THBS4: variants seen among roughly 807,000 people sequenced by gnomAD.
THBS4 encodes thrombospondin 4, also known as thrombospondin-4.
Under a neutral mutation model 115.7 loss-of-function variants are expected in THBS4, and 90 were observed. The ratio of observed to expected loss-of-function variants is 0.78; its 90% CI spans 0.66 to 0.93. The LOEUF (loss-of-function observed/expected upper bound fraction) is 0.93. THBS4 is among the 40% of genes least tolerant of loss of function. THBS4 has a pLI of 0.00. For missense variants in THBS4, 1,087 were observed against 1,232.7 expected (o/e 0.88, Z 1.77); for synonymous variants, 460 against 479.3 (o/e 0.96, Z 0.53).
chr5:80,083,022 T>A, intron 21 of THBS4, 58 bp from the exon 22 acceptor site: 1 of 1,510,058 alleles, frequency 6.6e-7, no homozygotes, highest in Non-Finnish European at 9.2e-7. Context: ...CGGGCGGGGG[T>A]CCGGGGTCCG....
chr5:80,072,795 C>A, intron 14 of THBS4: 1 of 248,550 alleles, frequency 4.0e-6, no homozygotes. Context: ...TTGCATCTCC[C>A]TTCTCACTCC....
intron 15 of THBS4, chr5:80,074,235 A>T (rs1373921850): frequency 6.6e-6 from 1 of 152,164 alleles, no homozygotes; most frequent in Non-Finnish European, 1.5e-5. Context: ...GGTCCTTGAA[A>T]TTTTTTTAAT....
At chr5:80,003,549 C>T (rs1448065486) in intron 2 of THBS4, among the ~76,000 whole-genome samples, 1 of 152,222 alleles carries the variant, frequency 6.6e-6, no homozygotes, top group African/African-American at 2.4e-5. Flanking sequence ...TCTCTACTTC[C>T]CAGCCACAAA....
At chr5:80,057,785 G>A (rs1833479727) in intron 3 of THBS4, among the ~76,000 whole-genome samples, 1 of 152,166 alleles carries the variant, frequency 6.6e-6, no homozygotes, top group Non-Finnish European at 1.5e-5. Flanking sequence ...ATATCCCAAA[G>A]AAGTCAGAGG....
At chr5:80,026,112 A>G (rs143696127) in intron 2 of THBS4, among the ~76,000 whole-genome samples, 2 of 152,366 alleles carry the variant, frequency 1.3e-5, no homozygotes, top group African/African-American at 4.8e-5. Flanking sequence ...CTAGATCCAT[A>G]CATGAAATCA....
At chr5:80,036,129 C>T (rs1832712030) in intron 1 of THBS4, 1 of 985,722 alleles carries the variant, frequency 1.0e-6, no homozygotes, top group Non-Finnish European at 1.2e-6. Context: ...GCTTGAACGA[C>T]AAAAAGAAAG....
rs185863734 is a variant in THBS4 at position 80,059,172 on chromosome 5, A to G, written c.733-268A>G. Among the ~76,000 whole-genome samples the G allele has an allele frequency of 6.5e-3, 985 of 152,220 alleles. 10 individuals are homozygous for G. The highest frequency in any genetic ancestry group is 0.021 in the African/African-American group (881 of 41,554). ...TGGTGAAACCCCGTCTCTACTAAAA[A>G]TACAAAAATTAGCCAGGCATGGTGG... is the stretch of plus-strand genomic sequence containing the variant. On this transcript the variant is annotated intron_variant, in intron 5 of 21. Transcript: ENST00000350881.
chr5:80,080,408 G>T (rs10514175), intron 20 of THBS4, among the ~76,000 whole-genome samples: 1 of 151,458 alleles, frequency 6.6e-6, no homozygotes, highest in Non-Finnish European at 1.5e-5. Flanking sequence ...CATGCCAATC[G>T]GTATGAGGTA....
intron 1 of THBS4, among the ~76,000 whole-genome samples, 192 bp from the exon 2 acceptor site, chr5:80,039,885 G>A (rs1477154547): frequency 6.6e-6 from 1 of 152,106 alleles, no homozygotes; most frequent in Non-Finnish European, 1.5e-5. Context: ...ATTTCTTCTG[G>A]CTCAAATGTC....
At position 80,003,593 on chromosome 5, in the gene THBS4, T is replaced by C. The variant is rs140290597; in HGVS notation, n.177+5166T>C. 4.5e-4 allele frequency among the ~76,000 whole-genome samples: 68 copies of C among 151,954 alleles called. No homozygotes were observed. The Middle Eastern group carries it at 0.01, about 23-fold the overall frequency. On this transcript the variant is annotated intron_variant and non_coding_transcript_variant, in intron 2 of 3. Transcript: ENST00000510218. ...AGCCAACATAAAGCAGTTCTTCCAG[T>C]AGAAAAAAGAAAAAAAGAGCACCTG...
At chr5:80,067,926 C>T (rs765959494) in intron 9 of THBS4, 47 bp from the exon 10 acceptor site, 1 of 1,602,540 alleles carries the variant, frequency 6.2e-7, no homozygotes. Context: ...CAAACTGTAC[C>T]TTTGCCCACA....
Position 80,035,727 on chromosome 5 carries a change from T to C in THBS4, c.88+102T>C. 1.2e-6 allele frequency: 1 copy of C among 802,662 alleles called. No homozygotes were observed. The highest frequency in any genetic ancestry group is 1.7e-6 in the Non-Finnish European group (1 of 591,658). The allele number at this position is 802,662 out of a possible 1,614,324, so 49.7% of individuals were successfully genotyped here. ...CGGCCCTGTGCTCCTGTGGCCTTGC[T>C]CAGCCCCTCTCTGTCCCTCCCGGGC... On this transcript the variant is annotated intron_variant, in intron 1 of 21. Coordinates refer to ENST00000350881, the MANE Select transcript of THBS4 (RefSeq NM_003248.6). The surrounding 1 kb of genome is among the most constrained non-coding windows in gnomAD (Gnocchi z 4.6).
chr5:79,994,437 G>A (rs532653475), intron 1 of THBS4, among the ~76,000 whole-genome samples: 73 of 152,224 alleles, frequency 4.8e-4, no homozygotes, highest in Non-Finnish European at 9.0e-4. Flanking sequence ...TGATATTATT[G>A]TTATTATTTA....
intron 2 of THBS4, among the ~76,000 whole-genome samples, chr5:80,051,837 A>G (rs1283667783): frequency 6.6e-6 from 1 of 152,250 alleles, no homozygotes; most frequent in Non-Finnish European, 1.5e-5. Flanking sequence ...AGTTATGAAA[A>G]TAAACCATGG....
intron 2 of THBS4, among the ~76,000 whole-genome samples, chr5:80,026,037 A>G (rs920924644): frequency 2.6e-5 from 4 of 152,228 alleles, no homozygotes; most frequent in African/African-American, 7.2e-5. Context: ...GATAAAGCAC[A>G]TGCTACATAC....
intron 11 of THBS4, 21 bp downstream of exon 11, chr5:80,070,431 G>A (rs773887828): frequency 6.2e-7 from 1 of 1,604,598 alleles, no homozygotes; most frequent in Admixed American, 1.7e-5. Context: ...TGGGGTGGCA[G>A]TAGGCACACA....
intron 2 of THBS4, among the ~76,000 whole-genome samples, chr5:79,998,628 G>A (rs1386781332): frequency 1.3e-5 from 2 of 152,094 alleles, no homozygotes; most frequent in South Asian, 4.1e-4. Context: ...TTTTAATATC[G>A]TACAATAGTT....
At chr5:79,994,784 T>C (rs1831758058) in intron 1 of THBS4, among the ~76,000 whole-genome samples, 1 of 152,194 alleles carries the variant, frequency 6.6e-6, no homozygotes, top group African/African-American at 2.4e-5. Context: ...TGTTCAAGCT[T>C]TTAGAGGCAC....
chr5:80,030,378 T>G (rs1479819428), upstream of THBS4, among the ~76,000 whole-genome samples: 3 of 152,038 alleles, frequency 2.0e-5, no homozygotes, highest in Admixed American at 2.0e-4. Context: ...TTTTTAATTT[T>G]TTTTTTTGAG....
Sources: allele counts gnomAD v4.1 joint callset (sites outside exome capture counted in the v4.1 genomes callset), GRCh38; gene constraint gnomAD v4.1.1; non-coding constraint Gnocchi (gnomAD v3.1); transcripts MANE v1.5; gene names NCBI Gene and HGNC (gene_info 2026-07-23, HGNC 2026-07-21).